The following BBS9 variants were observed in gnomAD, a reference collection of about 807,000 sequenced individuals.
The protein encoded by BBS9 is Bardet-Biedl syndrome 9.
A neutral mutation model predicts 117.7 loss-of-function variants in BBS9; 89 were observed. The observed-to-expected ratio is 0.76, with a 90% CI of 0.64 to 0.90. BBS9 has a LOEUF of 0.90. Ranked by LOEUF, BBS9 falls within the 40% of genes least tolerant of loss-of-function variation. BBS9 has a pLI of 0.00. For missense variants in BBS9, 982 were observed against 1,042.2 expected (o/e 0.94, Z 0.80); for synonymous variants, 379 against 370.9 (o/e 1.02, Z -0.25).
intron 1 of BBS9, among the ~76,000 whole-genome samples, chr7:33,142,885 G>A (rs1173292537): frequency 2.6e-5 from 4 of 152,226 alleles, no homozygotes; most frequent in South Asian, 4.1e-4. Flanking sequence ...CAGTAAATCC[G>A]TGTGTAAAAA....
chr7:33,321,524 G>A (rs1811711573), intron 9 of BBS9, among the ~76,000 whole-genome samples: 1 of 151,766 alleles, frequency 6.6e-6, no homozygotes, highest in African/African-American at 2.4e-5. Context: ...GTCTTTTTCA[G>A]ATTGTTCACT....
At chr7:33,199,033 A>G (rs1482410852) in intron 5 of BBS9, among the ~76,000 whole-genome samples, 4 of 151,984 alleles carry the variant, frequency 2.6e-5, no homozygotes, top group Non-Finnish European at 4.4e-5. Flanking sequence ...TTTTCTCAGC[A>G]GTATTAGGCT....
At chr7:33,312,461 T>C (rs994993639) in intron 9 of BBS9, among the ~76,000 whole-genome samples, 5 of 152,012 alleles carry the variant, frequency 3.3e-5, no homozygotes, top group African/African-American at 9.7e-5. Flanking sequence ...GTGATTAATA[T>C]TTTCAAATGC....
intron 16 of BBS9, among the ~76,000 whole-genome samples, chr7:33,365,255 A>G (rs958265157): frequency 2.6e-5 from 4 of 152,034 alleles, no homozygotes; most frequent in African/African-American, 9.7e-5. Context: ...TTGTTGCCAT[A>G]CTTTGATGCC....
In BBS9 at chr7:33,452,443, T is replaced by C. The variant is rs969225137; in HGVS notation, c.2116-53020T>C. Among the ~76,000 whole-genome samples the C allele has an allele frequency of 2.3e-4, 35 of 152,202 alleles. 2 individuals carry two copies. Among genetic ancestry groups the C allele is most frequent in the Admixed American group, 2.0e-4 (3 of 15,284 alleles). On this transcript the variant is annotated intron_variant, in intron 19 of 22. Coordinates refer to ENST00000242067, the MANE Select transcript of BBS9 (RefSeq NM_198428.3). The stretch of plus-strand genomic sequence containing the variant: ...ACAATGTTCACAAAGCCTCTTGCAC[T>C]TTACTTGTAGGAAAGTGCTGTATAT...
intron 17 of BBS9, among the ~76,000 whole-genome samples, chr7:33,381,057 G>T (rs769721850): frequency 1.8e-4 from 28 of 152,130 alleles, no homozygotes; most frequent in Non-Finnish European, 2.6e-4. Flanking sequence ...AGACCAGGGG[G>T]TTCAGAGCCT....
At chr7:33,247,552 C>CT (rs922335517) in intron 5 of BBS9, among the ~76,000 whole-genome samples, 1 of 152,136 alleles carries the variant, frequency 6.6e-6, no homozygotes, top group Non-Finnish European at 1.5e-5. Context: ...TTGGGAAACT[C>CT]TTTCTCAACC....
At chr7:33,157,012 C>G (rs983039208) in intron 4 of BBS9, among the ~76,000 whole-genome samples, 1 of 152,088 alleles carries the variant, frequency 6.6e-6, no homozygotes, top group African/African-American at 2.4e-5. Flanking sequence ...GTTACACAAG[C>G]CATGGAGGAG....
At chr7:33,432,288 T>C (rs1318017951) in intron 19 of BBS9, among the ~76,000 whole-genome samples, 1 of 151,474 alleles carries the variant, frequency 6.6e-6, no homozygotes, top group Non-Finnish European at 1.5e-5. Context: ...TTTTTTTTTT[T>C]TTAGTAGAGA....
chr7:33,234,011 T>C (rs1792987478), intron 5 of BBS9, among the ~76,000 whole-genome samples: 1 of 152,136 alleles, frequency 6.6e-6, no homozygotes, highest in East Asian at 1.9e-4. Flanking sequence ...CCACCCAGGA[T>C]GCAAACCATC....
Position 33,632,324 on chromosome 7 carries a change from TG to T in BBS9, c.2522-2847del, listed in dbSNP as rs147311886. Among the ~76,000 whole-genome samples the T allele has an allele frequency of 3.2e-4, 48 of 152,174 alleles. No homozygotes were observed. In the East Asian group the frequency reaches 8.7e-3, roughly 28 times the overall value. On this transcript the variant is annotated intron_variant, in intron 21 of 21. Transcript: ENST00000671952. ...CTTCAATGTTCCACCGACCCTATGG[TG>T]GGGGGATCGCTGCTTTCCACTTATT...
intron 5 of BBS9, among the ~76,000 whole-genome samples, chr7:33,253,668 A>T (rs1340322855): frequency 6.6e-6 from 1 of 152,130 alleles, no homozygotes; most frequent in Non-Finnish European, 1.5e-5. Context: ...GAGATAAAGG[A>T]GTCTAGGGCT....
intron 20 of BBS9, among the ~76,000 whole-genome samples, chr7:33,525,617 C>T (rs570821244): frequency 0.22 from 15,192 of 68,548 alleles, no homozygotes; most frequent in Non-Finnish European, 0.26. Context: ...CTTCCTCCAT[C>T]CTTTTATTTT....
intron 21 of BBS9, among the ~76,000 whole-genome samples, chr7:33,556,217 T>C (rs1855269546): frequency 6.6e-6 from 1 of 152,208 alleles, no homozygotes; most frequent in South Asian, 2.1e-4. Flanking sequence ...GGAAGTGAAT[T>C]ATATCCTCCG....
intron 19 of BBS9, among the ~76,000 whole-genome samples, chr7:33,393,103 C>A (rs1451792243): frequency 6.6e-6 from 1 of 152,044 alleles, no homozygotes; most frequent in Non-Finnish European, 1.5e-5. Context: ...GAGGTTGAGG[C>A]TGCAATGAGC....
rs560667068 is a variant in BBS9, at chr7:33,273,729, G to A, written c.887-98G>A. ...AAAATCTTTATGTATTAAAATCCAGGTGTTAGAATTAGTTTGTGCTATCAA... is the reference window on the plus strand; with the variant it reads ...AAAATCTTTATGTATTAAAATCCAGATGTTAGAATTAGTTTGTGCTATCAA... On this transcript the variant is annotated intron_variant, in intron 8 of 22. Transcript: ENST00000242067. 2.7e-4 allele frequency: 281 copies of A among 1,059,088 alleles called. 3 individuals are homozygous for A. In the South Asian group the frequency reaches 3.8e-3, roughly 14 times the overall value. The allele number at this position is 1,059,088 out of a possible 1,614,324, so 65.6% of individuals were successfully genotyped here.
upstream of BBS9, chr7:33,129,480 CG>C (rs1789248406): frequency 5.0e-6 from 1 of 198,312 alleles, no homozygotes; most frequent in South Asian, 1.4e-4. Flanking sequence ...CCCGCCTTTG[CG>C]CCTCAGCCTC....
At chr7:33,213,969 T>A (rs1182813108) in intron 5 of BBS9, among the ~76,000 whole-genome samples, 1 of 152,050 alleles carries the variant, frequency 6.6e-6, no homozygotes, top group Non-Finnish European at 1.5e-5. Flanking sequence ...ACACAGCCAC[T>A]CCCCTAGCCA....
chr7:33,450,939 A>C (rs1837734290), intron 19 of BBS9, among the ~76,000 whole-genome samples: 2 of 149,990 alleles, frequency 1.3e-5, no homozygotes, highest in East Asian at 4.0e-4. Context: ...CCCAGGCTGG[A>C]GTGCAGTGGC....
Sources: gnomAD v4.1 joint callset for allele counts (sites outside exome capture counted in the v4.1 genomes callset) on GRCh38, gnomAD v4.1.1 for gene constraint, MANE v1.5 for transcripts, NCBI Gene and HGNC (gene_info 2026-07-23, HGNC 2026-07-21) for gene names.